Variants in ACTR3 observed in about 807,000 individuals in gnomAD.
The protein encoded by ACTR3 is actin-related protein 3.
Under a neutral mutation model 56.8 loss-of-function variants are expected in ACTR3, and 12 were observed. The observed-to-expected ratio is 0.21, with a 90% CI of 0.14 to 0.34. The LOEUF (loss-of-function observed/expected upper bound fraction) is 0.34. Ranked by LOEUF, ACTR3 falls within the 10% of genes least tolerant of loss-of-function variation. The pLI, the probability that ACTR3 is intolerant of heterozygous loss-of-function variation, is 1.00. For synonymous variants in ACTR3, 162 were observed against 167.4 expected (o/e 0.97, Z 0.25); for missense variants, 282 against 512.5 (o/e 0.55, Z 4.34).
intron 6 of ACTR3, among the ~76,000 whole-genome samples, chr2:113,935,073 A>AT (rs1395293764): frequency 6.6e-6 from 1 of 151,228 alleles, no homozygotes; most frequent in Non-Finnish European, 1.5e-5. Context: ...TGTTTAATGC[A>AT]TCAGGCAATG....
At chr2:113,907,930 C>T (rs1217665779) in intron 1 of ACTR3, among the ~76,000 whole-genome samples, 8 of 143,682 alleles carry the variant, frequency 5.6e-5, no homozygotes, top group African/African-American at 7.9e-5. Context: ...GCCGAGATCT[C>T]GCCATTGCAC....
chr2:113,906,948 T>C (rs1679205491), intron 1 of ACTR3, among the ~76,000 whole-genome samples: 1 of 152,250 alleles, frequency 6.6e-6, no homozygotes, highest in South Asian at 2.1e-4. Flanking sequence ...GAGATCCATA[T>C]GAATGTTAGG....
At chr2:113,913,644 C>G (rs1384214567) in intron 2 of ACTR3, among the ~76,000 whole-genome samples, 1 of 152,106 alleles carries the variant, frequency 6.6e-6, no homozygotes, top group African/African-American at 2.4e-5. Context: ...CACTAAGTGC[C>G]CATGTTTCAA....
intron 8 of ACTR3, among the ~76,000 whole-genome samples, chr2:113,949,905 G>T (rs1680090987): frequency 6.6e-6 from 1 of 152,122 alleles, no homozygotes; most frequent in Admixed American, 6.5e-5. Flanking sequence ...TTTTTAAAAA[G>T]TATGTTTTTC....
At chr2:113,906,002 G>A (rs948478521) in intron 1 of ACTR3, among the ~76,000 whole-genome samples, 2 of 152,062 alleles carry the variant, frequency 1.3e-5, no homozygotes, top group African/African-American at 2.4e-5. Flanking sequence ...CAGTTCTTTT[G>A]GGTATATACC....
intron 1 of ACTR3, among the ~76,000 whole-genome samples, chr2:113,891,060 C>T (rs1310946103): frequency 6.6e-6 from 1 of 152,176 alleles, no homozygotes; most frequent in Non-Finnish European, 1.5e-5. Context: ...GTCAAAGCCG[C>T]TTCCTGCTTT....
At chr2:113,892,577 C>G (rs1179282621) in intron 1 of ACTR3, among the ~76,000 whole-genome samples, 1 of 152,122 alleles carries the variant, frequency 6.6e-6, no homozygotes, top group African/African-American at 2.4e-5. Flanking sequence ...GAGGATAAGT[C>G]CTTGAGGTTG....
At chr2:113,901,658 T>A (rs923699846) in intron 1 of ACTR3, among the ~76,000 whole-genome samples, 4 of 152,256 alleles carry the variant, frequency 2.6e-5, no homozygotes, top group Non-Finnish European at 5.9e-5. Flanking sequence ...ATCATTAAAG[T>A]CTCTTCTATC....
In ACTR3 at chr2:113,917,012, T is replaced by C. The variant is rs1679416559; in HGVS notation, c.225+4T>C. The C allele has an allele frequency of 1.3e-6, 2 of 1,595,176 alleles. No homozygotes were observed. The highest frequency in any genetic ancestry group is 1.7e-6 in the Non-Finnish European group (2 of 1,172,368). ...AAAACCTACATATGCAACAAAGGTA[T>C]GTTTTTATGATTTGTATAAATAACA... On this transcript the variant is annotated splice_donor_region_variant and intron_variant, in intron 3 of 11. Coordinates refer to ENST00000263238, the MANE Select transcript of ACTR3 (RefSeq NM_005721.5).
At chr2:113,906,988 A>G (rs1679206320) in intron 1 of ACTR3, among the ~76,000 whole-genome samples, 1 of 152,172 alleles carries the variant, frequency 6.6e-6, no homozygotes, top group African/African-American at 2.4e-5. Context: ...CAAAAATGTT[A>G]TTAGGATTTT....
Position 113,890,157 on chromosome 2 carries a change from C to G in ACTR3, c.-123C>G. On this transcript the variant is annotated 5_prime_UTR_variant, in exon 1 of 12. Coordinates refer to ENST00000263238, the MANE Select transcript of ACTR3 (RefSeq NM_005721.5). Reference sequence around the variant, plus strand: ...CTACTGCTTCGGCTTCCCGGCTACCCCCCGGACGGTGAAGGCGGCCCAGCT... The same window carrying G: ...CTACTGCTTCGGCTTCCCGGCTACCGCCCGGACGGTGAAGGCGGCCCAGCT... 2 of 1,317,128 alleles carry G rather than the reference C, an allele frequency of 1.5e-6. No homozygotes were observed. The highest frequency in any genetic ancestry group is 2.1e-6 in the Non-Finnish European group (2 of 939,038). 81.6% of individuals were successfully genotyped at this position (1,317,128 alleles called of 1,614,324 possible).
intron 7 of ACTR3, among the ~76,000 whole-genome samples, chr2:113,941,666 A>G (rs924495986): frequency 3.9e-5 from 6 of 152,168 alleles, no homozygotes; most frequent in African/African-American, 9.6e-5. Context: ...TACTTAGGTC[A>G]TATAACCAAA....
chr2:113,942,141 C>A, intron 7 of ACTR3, 45 bp from the exon 8 acceptor site: 2 of 1,459,912 alleles, frequency 1.4e-6, no homozygotes, highest in Non-Finnish European at 1.8e-6. Flanking sequence ...CTTTACTGTT[C>A]CTATAATAAG....
intron 10 of ACTR3, chr2:113,952,546 G>A (rs1680139613): frequency 6.6e-6 from 1 of 152,024 alleles, no homozygotes; most frequent in Admixed American, 6.6e-5. Context: ...TACCAAGAAT[G>A]AGGACTTTAT....
chr2:113,932,220 T>G (rs1411476722), intron 5 of ACTR3, among the ~76,000 whole-genome samples: 1 of 152,228 alleles, frequency 6.6e-6, no homozygotes. Flanking sequence ...TCCATAAATT[T>G]AATGAACTGC....
At chr2:113,923,099 A>G (rs1679540141) in intron 3 of ACTR3, among the ~76,000 whole-genome samples, 1 of 152,206 alleles carries the variant, frequency 6.6e-6, no homozygotes, top group Non-Finnish European at 1.5e-5. Context: ...AAGTGCTACT[A>G]ACAAACCAGA....
chr2:113,924,730 A>T (rs1464939098), intron 3 of ACTR3, among the ~76,000 whole-genome samples: 1 of 151,752 alleles, frequency 6.6e-6, no homozygotes, highest in Non-Finnish European at 1.5e-5. Context: ...GTCTTTCTAT[A>T]CATCTTTTTC....
At chr2:113,948,179 G>T (rs2104625550) in intron 8 of ACTR3, among the ~76,000 whole-genome samples, 1 of 151,814 alleles carries the variant, frequency 6.6e-6, no homozygotes, top group East Asian at 1.9e-4. Flanking sequence ...GTTTTCTTTT[G>T]GAAACAGGGT....
chr2:113,929,130 G>GTTTTTTTTTTTTTTTTTTTTTTT, intron 4 of ACTR3, among the ~76,000 whole-genome samples: 1 of 147,602 alleles, frequency 6.8e-6, no homozygotes, highest in Non-Finnish European at 1.5e-5. Flanking sequence ...GGCTATTTTT[G>GTTTTTTTTTTTTTTTTTTTTTTT]TTTTTTTTTT....
Sources: allele counts gnomAD v4.1 joint callset (sites outside exome capture counted in the v4.1 genomes callset), GRCh38; gene constraint gnomAD v4.1.1; transcripts MANE v1.5; gene names NCBI Gene and HGNC (gene_info 2026-07-23, HGNC 2026-07-21).